The following ADAM9 variants were observed in gnomAD, a reference collection of about 807,000 sequenced individuals.
The protein encoded by ADAM9 is disintegrin and metalloproteinase domain-containing protein 9.
ADAM9 carries 54 observed loss-of-function variants against 108.1 expected under a neutral mutation model. The observed-to-expected ratio is 0.50, with a 90% confidence interval of 0.40 to 0.63. The LOEUF is 0.63. Among genes scored for constraint, ADAM9 ranks in the 20% least tolerant of loss-of-function variants. The pLI is 0.00. For synonymous variants in ADAM9, 316 were observed against 336.0 expected (o/e 0.94, Z 0.65); for missense variants, 830 against 997.7 (o/e 0.83, Z 2.26).
intron 12 of ADAM9, among the ~76,000 whole-genome samples, chr8:39,044,954 ATATG>A (rs1232417515): frequency 7.0e-6 from 1 of 142,380 alleles, no homozygotes; most frequent in Non-Finnish European, 1.6e-5. Flanking sequence ...ATGTATGTGT[ATATG>A]TGTGTGCACA....
In ADAM9 at chr8:39,011,653, T is replaced by C; in HGVS notation, c.196-5T>C. On this transcript the variant is annotated splice_region_variant and splice_polypyrimidine_tract_variant and intron_variant, in intron 2 of 21. Transcript: ENST00000487273. ...TTTTATTCTTTTCCCCTTCTGTGCA[T>C]TTAGGTATCTTATGTTATTCAGGCT... The C allele has an allele frequency of 1.9e-6, 3 of 1,607,096 alleles. No individual in the cohort carries two copies. The highest frequency in any genetic ancestry group is 1.7e-5 in the Admixed American group (1 of 60,014).
intron 14 of ADAM9, among the ~76,000 whole-genome samples, chr8:39,060,894 G>A (rs1838278478): frequency 6.6e-6 from 1 of 152,196 alleles, no homozygotes; most frequent in Non-Finnish European, 1.5e-5. Context: ...TGTGTGGATG[G>A]GTATAGGTAA....
chr8:39,032,594 G>A (rs1350987338), intron 11 of ADAM9, among the ~76,000 whole-genome samples: 1 of 152,262 alleles, frequency 6.6e-6, no homozygotes, highest in East Asian at 1.9e-4. Flanking sequence ...CCTTGGCTAG[G>A]AGAGGGAAAT....
chr8:39,023,607 C>T (rs1419262626), intron 9 of ADAM9, among the ~76,000 whole-genome samples: 1 of 151,926 alleles, frequency 6.6e-6, no homozygotes, highest in Non-Finnish European at 1.5e-5. Flanking sequence ...ACATTTTGAC[C>T]TCCTGTGTGT....
At chr8:39,074,266 A>G (rs534864636) in intron 15 of ADAM9, among the ~76,000 whole-genome samples, 2 of 152,282 alleles carry the variant, frequency 1.3e-5, no homozygotes, top group African/African-American at 4.8e-5. Context: ...TTTTATGTGT[A>G]TATACATTTA....
chr8:39,022,064 TTGTG>T (rs552684363), intron 8 of ADAM9, among the ~76,000 whole-genome samples: 12,849 of 141,424 alleles, frequency 0.091, 1,090 homozygotes, highest in African/African-American at 0.23. Flanking sequence ...ATGACAATAT[TTGTG>T]TGTGTGTGTG....
At chr8:39,026,840 T>C in intron 11 of ADAM9, 30 bp downstream of exon 11, 1 of 1,613,298 alleles carries the variant, frequency 6.2e-7, no homozygotes, top group Non-Finnish European at 8.5e-7. Context: ...TTCTCCTTTA[T>C]TTGGTATTGT....
chr8:39,062,595 T>C (rs764126787), intron 14 of ADAM9, among the ~76,000 whole-genome samples: 11 of 152,208 alleles, frequency 7.2e-5, no homozygotes, highest in Non-Finnish European at 1.5e-4. Flanking sequence ...CTCTCCATTA[T>C]GCCAACCTTG....
intron 14 of ADAM9, among the ~76,000 whole-genome samples, chr8:39,070,118 A>T: frequency 6.8e-6 from 1 of 146,970 alleles, no homozygotes; most frequent in Non-Finnish European, 1.5e-5. Flanking sequence ...TTGCCACTGC[A>T]TTCTAGCCTG....
chr8:39,087,061 TTCTCTGTAGC>T (rs1161270036), intron 18 of ADAM9, among the ~76,000 whole-genome samples: 1 of 152,212 alleles, frequency 6.6e-6, no homozygotes, highest in African/African-American at 2.4e-5. Context: ...TTTCAGCTTT[TTCTCTGTAGC>T]TCTCTTCCCT....
intron 12 of ADAM9, among the ~76,000 whole-genome samples, chr8:39,048,443 T>C (rs1270870934): frequency 6.6e-6 from 1 of 152,216 alleles, no homozygotes; most frequent in African/African-American, 2.4e-5. Context: ...GAAAATATAT[T>C]TGGTATGATT....
At chr8:39,005,366 A>T (rs1171866040) in intron 1 of ADAM9, among the ~76,000 whole-genome samples, 1 of 152,234 alleles carries the variant, frequency 6.6e-6, no homozygotes, top group African/African-American at 2.4e-5. Flanking sequence ...TTAAGAAAAC[A>T]TTCAGTAAGC....
At chr8:39,043,769 C>A (rs922639836) in intron 12 of ADAM9, among the ~76,000 whole-genome samples, 4 of 152,098 alleles carry the variant, frequency 2.6e-5, no homozygotes, top group African/African-American at 9.7e-5. Flanking sequence ...TCAGCCCTCA[C>A]ACCCCTCCCA....
Position 39,017,332 on chromosome 8 carries a change from G to A in ADAM9, c.524G>A (p.Cys175Tyr). Residue 175 changes from cysteine to tyrosine, a missense_variant, in exon 6 of 22, where the codon TGT becomes TAT. Physicochemically the swap from Cys to Tyr is radical, Grantham distance 194 (BLOSUM62 -2). This residue lies in a region of ADAM9 where 211 missense variants were observed against 222.2 expected (regional missense o/e 0.95). Coordinates refer to ENST00000487273, the MANE Select transcript of ADAM9 (RefSeq NM_003816.3). ...MDDVYKEPLK[C>Y]GVSNKDIEKE... ...GATGTCTACAAAGAGCCTCTGAAATGTGGAGTTTCCAACAAGGATATAGAG... is the reference window on the plus strand; with the variant it reads ...GATGTCTACAAAGAGCCTCTGAAATATGGAGTTTCCAACAAGGATATAGAG... The A allele has an allele frequency of 6.2e-7, 1 of 1,614,126 alleles. No homozygotes were observed.
chr8:39,094,162 T>G (rs540151676), intron 20 of ADAM9, among the ~76,000 whole-genome samples: 1 of 152,392 alleles, frequency 6.6e-6, no homozygotes, highest in African/African-American at 2.4e-5. Flanking sequence ...TTTCTTAAAA[T>G]GATCACATGG....
intron 20 of ADAM9, among the ~76,000 whole-genome samples, chr8:39,093,434 T>C (rs1839411762): frequency 6.6e-6 from 1 of 152,320 alleles, no homozygotes; most frequent in Non-Finnish European, 1.5e-5. Flanking sequence ...TTTTCATATG[T>C]TGATTTTGTA....
At chr8:39,097,033 A>G (rs1258527646) in intron 20 of ADAM9, among the ~76,000 whole-genome samples, 1 of 152,156 alleles carries the variant, frequency 6.6e-6, no homozygotes, top group Non-Finnish European at 1.5e-5. Flanking sequence ...TTGTTTCTTT[A>G]AATGTGCCAT....
At chr8:39,073,076 T>G (rs552388620) in intron 15 of ADAM9, among the ~76,000 whole-genome samples, 3 of 152,348 alleles carry the variant, frequency 2.0e-5, no homozygotes, top group African/African-American at 7.2e-5. Flanking sequence ...GGCCAGCCTC[T>G]TAATACCAGA....
At chr8:39,010,733 A>T (rs1458383219) in intron 2 of ADAM9, among the ~76,000 whole-genome samples, 3 of 152,162 alleles carry the variant, frequency 2.0e-5, no homozygotes, top group Admixed American at 6.5e-5. Context: ...TATATATGTT[A>T]CTTTAATTCC....
Sources: allele counts gnomAD v4.1 joint callset (sites outside exome capture counted in the v4.1 genomes callset), GRCh38; gene constraint gnomAD v4.1.1; regional missense constraint gnomAD v4.1.1; transcripts MANE v1.5; gene names NCBI Gene and HGNC (gene_info 2026-07-23, HGNC 2026-07-21).